Variants in AFG2A observed in about 807,000 individuals in gnomAD.
AFG2A encodes AAA ATPase AFG2A, also known as ATPase family gene 2 protein homolog A.
At chr4:122,975,896 A>G in the AFG2A span, among the ~76,000 whole-genome samples, 3 of 152,146 alleles carry the variant, frequency 2.0e-5, no homozygotes, top group African/African-American at 7.2e-5. Flanking sequence ...TAAAGAAGTG[A>G]CTTGCTGTCT....
At chr4:123,140,326 A>T in the AFG2A span, among the ~76,000 whole-genome samples, 1 of 152,022 alleles carries the variant, frequency 6.6e-6, no homozygotes, top group African/African-American at 2.4e-5. Flanking sequence ...AGCTTAATGG[A>T]TTTGGTGCTT....
At chr4:123,085,852 G>GT in the AFG2A span, among the ~76,000 whole-genome samples, 3 of 151,488 alleles carry the variant, frequency 2.0e-5, no homozygotes, top group Non-Finnish European at 4.4e-5. Context: ...AGACTGTTAA[G>GT]TTTTTTGGGT....
the AFG2A span, among the ~76,000 whole-genome samples, chr4:123,097,285 A>G: frequency 6.6e-6 from 1 of 151,960 alleles, no homozygotes; most frequent in Non-Finnish European, 1.5e-5. Flanking sequence ...AAGGCTACAA[A>G]TGTTTCTTCA....
the AFG2A span, among the ~76,000 whole-genome samples, chr4:123,010,829 T>C: frequency 1.3e-5 from 2 of 152,248 alleles, no homozygotes; most frequent in Non-Finnish European, 2.9e-5. Context: ...AAGTTCTTCT[T>C]CCAGAATTGT....
At chr4:123,098,233 A>C in the AFG2A span, among the ~76,000 whole-genome samples, 4 of 152,064 alleles carry the variant, frequency 2.6e-5, no homozygotes, top group Non-Finnish European at 5.9e-5. Flanking sequence ...TTTTTAAAAA[A>C]GATTATTTTA....
At chr4:122,978,524 C>A in the AFG2A span, among the ~76,000 whole-genome samples, 1 of 152,222 alleles carries the variant, frequency 6.6e-6, no homozygotes, top group African/African-American at 2.4e-5. Flanking sequence ...GCTGCAGACT[C>A]TACCCAGCTC....
chr4:123,117,902 A>C, the AFG2A span, among the ~76,000 whole-genome samples: 1 of 151,882 alleles, frequency 6.6e-6, no homozygotes, highest in Non-Finnish European at 1.5e-5. Flanking sequence ...TACGCAACTA[A>C]TATAGAGAAA....
the AFG2A span, among the ~76,000 whole-genome samples, chr4:122,937,097 C>T: frequency 1.3e-5 from 2 of 152,134 alleles, no homozygotes; most frequent in African/African-American, 2.4e-5. Flanking sequence ...CTGTAGTGAG[C>T]CATGATTTCA....
chr4:123,091,482 C>T, the AFG2A span, among the ~76,000 whole-genome samples: 2 of 152,064 alleles, frequency 1.3e-5, no homozygotes, highest in African/African-American at 4.8e-5. Context: ...CTAATTTATT[C>T]TTCCAGAGTT....
chr4:123,116,587 G>A, the AFG2A span, among the ~76,000 whole-genome samples: 3 of 152,178 alleles, frequency 2.0e-5, no homozygotes, highest in Non-Finnish European at 2.9e-5. Flanking sequence ...AAACCCTGCT[G>A]TAAAGTGTGG....
At chr4:123,189,748 A>G in the AFG2A span, among the ~76,000 whole-genome samples, 6 of 146,740 alleles carry the variant, frequency 4.1e-5, no homozygotes, top group African/African-American at 7.5e-5. Flanking sequence ...TTTTGCATAG[A>G]TTAATTGTAC....
At chr4:123,238,361 C>T in the AFG2A span, among the ~76,000 whole-genome samples, 1 of 152,236 alleles carries the variant, frequency 6.6e-6, no homozygotes, top group African/African-American at 2.4e-5. Flanking sequence ...TGAGAACGGA[C>T]AGACTGCCTC....
chr4:122,988,866 T>G, the AFG2A span, among the ~76,000 whole-genome samples: 1 of 152,326 alleles, frequency 6.6e-6, no homozygotes, highest in Middle Eastern at 3.4e-3. Context: ...AGATCTGTGT[T>G]TGAGTTTGCT....
chr4:123,130,028 A>C, the AFG2A span, among the ~76,000 whole-genome samples: 3 of 151,952 alleles, frequency 2.0e-5, no homozygotes, highest in Non-Finnish European at 4.4e-5. Flanking sequence ...TTTGTTTTTG[A>C]GGTAGGGTCT....
At chr4:123,136,629 G>A in the AFG2A span, among the ~76,000 whole-genome samples, 10 of 150,906 alleles carry the variant, frequency 6.6e-5, no homozygotes, top group African/African-American at 1.2e-4. Context: ...AGCCGAGATC[G>A]CACCACTGCA....
At chr4:123,123,686 G>T in the AFG2A span, among the ~76,000 whole-genome samples, 1 of 151,898 alleles carries the variant, frequency 6.6e-6, no homozygotes, top group African/African-American at 2.4e-5. Flanking sequence ...GGTGGCTCAC[G>T]CCTGTAATCC....
At chr4:123,026,359 A>C in the AFG2A span, among the ~76,000 whole-genome samples, 4 of 152,206 alleles carry the variant, frequency 2.6e-5, no homozygotes, top group Non-Finnish European at 5.9e-5. Context: ...TTAACAAAAG[A>C]TCAGATCCCT....
At chr4:123,250,492 C>CA in the AFG2A span, among the ~76,000 whole-genome samples, 1 of 152,158 alleles carries the variant, frequency 6.6e-6, no homozygotes, top group Non-Finnish European at 1.5e-5. Flanking sequence ...CTGGAGCACA[C>CA]AAGCAGAGTT....
At chr4:123,007,640 A>ACAT in the AFG2A span, among the ~76,000 whole-genome samples, 77 of 23,528 alleles carry the variant, frequency 3.3e-3, 3 homozygotes, top group Non-Finnish European at 7.4e-3. Context: ...ACACACACAC[A>ACAT]CAACACACAC....
Sources: gnomAD v4.1 joint callset for allele counts (sites outside exome capture counted in the v4.1 genomes callset) on GRCh38, gnomAD v4.1.1 for gene constraint, MANE v1.5 for transcripts, NCBI Gene and HGNC (gene_info 2026-07-23, HGNC 2026-07-21) for gene names.